Variants in AVEN observed in about 807,000 individuals in gnomAD.
AVEN encodes the protein apoptosis and caspase activation inhibitor.
AVEN carries 41 observed loss-of-function variants against 38.1 expected under a neutral mutation model. That is an observed-to-expected ratio of 1.08 (90% CI 0.84 to 1.40). The LOEUF (loss-of-function observed/expected upper bound fraction) is 1.40. AVEN is among the 40% of genes most tolerant of loss of function. The pLI is 0.00. For synonymous variants in AVEN, 206 were observed against 171.8 expected, an observed-to-expected ratio of 1.20 and a Z score of -1.56; for missense variants, 605 against 438.8, an observed-to-expected ratio of 1.38 and a Z score of -3.38.
At chr15:33,931,349 C>CTTTTTTTTTT (rs71119903) in intron 2 of AVEN, among the ~76,000 whole-genome samples, 1 of 89,270 alleles carries the variant, frequency 1.1e-5, no homozygotes, top group Non-Finnish European at 2.0e-5. Flanking sequence ...TGAATATTTT[C>CTTTTTTTTTT]TTTTTTTTTT....
Position 33,883,279 on chromosome 15 carries a change from C to T in AVEN, c.446-7284G>A, listed in dbSNP as rs189508787. Among the ~76,000 whole-genome samples, 445 of 152,210 alleles carry T rather than the reference C, an allele frequency of 2.9e-3. 2 individuals carry two copies. The highest frequency in any genetic ancestry group is 0.01 in the African/African-American group (432 of 41,530). ...ACTACAGGAATAACCAAAAAGCTGA[C>T]GGTGGTCAGAAATCAGTATGCCCAT... On this transcript the variant is annotated intron_variant, in intron 2 of 5. Coordinates refer to ENST00000306730, the MANE Select transcript of AVEN (RefSeq NM_020371.3).
At chr15:33,902,349 A>G (rs1892527378) in intron 2 of AVEN, among the ~76,000 whole-genome samples, 1 of 152,226 alleles carries the variant, frequency 6.6e-6, no homozygotes, top group South Asian at 2.1e-4. Flanking sequence ...GATCATCTCA[A>G]TGGATGCAGA....
chr15:34,064,327 A>G, intron 4 of AVEN: 3 of 1,601,890 alleles, frequency 1.9e-6, no homozygotes, highest in Non-Finnish European at 2.6e-6. Flanking sequence ...AAAGTCAACA[A>G]CTCCTCTCGA....
intron 3 of AVEN, among the ~76,000 whole-genome samples, chr15:33,874,093 C>G (rs1190882070): frequency 6.6e-6 from 1 of 152,070 alleles, no homozygotes; most frequent in Non-Finnish European, 1.5e-5. Context: ...TTTCCATGTT[C>G]TTGCTAAACA....
intron 2 of AVEN, among the ~76,000 whole-genome samples, chr15:33,876,527 A>T (rs1262003614): frequency 6.6e-6 from 1 of 152,078 alleles, no homozygotes; most frequent in Non-Finnish European, 1.5e-5. Flanking sequence ...AGCCAAGATC[A>T]TGCCACTGCA....
intron 2 of AVEN, among the ~76,000 whole-genome samples, chr15:33,884,541 C>T (rs915854044): frequency 2.0e-5 from 3 of 152,192 alleles, no homozygotes; most frequent in African/African-American, 4.8e-5. Flanking sequence ...TGGCCTAACA[C>T]ATGTCTTATG....
intron 2 of AVEN, among the ~76,000 whole-genome samples, chr15:33,879,764 G>T (rs1228045704): frequency 6.6e-6 from 1 of 152,082 alleles, no homozygotes; most frequent in Non-Finnish European, 1.5e-5. Flanking sequence ...GAAAGAAAAT[G>T]ATCCCACATT....
At chr15:33,863,516 CTCTGAGATCAT>C (rs1406010699), downstream of AVEN, among the ~76,000 whole-genome samples, 1 of 152,182 alleles carries the variant, frequency 6.6e-6, no homozygotes, top group Non-Finnish European at 1.5e-5. Context: ...TGGAAACGGT[CTCTGAGATCAT>C]ATAATGTGAG....
intron 2 of AVEN, among the ~76,000 whole-genome samples, chr15:33,961,800 G>C (rs1176690364): frequency 9.7e-6 from 1 of 102,664 alleles, no homozygotes; most frequent in Non-Finnish European, 1.8e-5. Flanking sequence ...GCGACAGAGT[G>C]AGACTCTGTC....
chr15:34,049,645 C>A (rs969134342), intron 5 of AVEN, among the ~76,000 whole-genome samples: 1 of 152,068 alleles, frequency 6.6e-6, no homozygotes, highest in African/African-American at 2.4e-5. Context: ...CCCAACCTAG[C>A]AAGTCAGGCC....
chr15:33,916,369 C>G (rs968660745), intron 2 of AVEN, among the ~76,000 whole-genome samples: 2 of 152,200 alleles, frequency 1.3e-5, no homozygotes, highest in South Asian at 2.1e-4. Flanking sequence ...GCAGACACCC[C>G]CCAGTACCAG....
At chr15:34,038,571 G>A (rs889574997) in intron 1 of AVEN, among the ~76,000 whole-genome samples, 1 of 151,702 alleles carries the variant, frequency 6.6e-6, no homozygotes, top group Admixed American at 6.6e-5. Flanking sequence ...AGCCCGGCCA[G>A]GAGGCCACGA....
At chr15:34,017,990 T>C (rs1898020643) in intron 1 of AVEN, among the ~76,000 whole-genome samples, 1 of 152,244 alleles carries the variant, frequency 6.6e-6, no homozygotes, top group Non-Finnish European at 1.5e-5. Flanking sequence ...ACCAGTCATA[T>C]AAAAGTCCAG....
At chr15:33,970,752 TAAC>T in intron 2 of AVEN, among the ~76,000 whole-genome samples, 1 of 152,042 alleles carries the variant, frequency 6.6e-6, no homozygotes, top group East Asian at 1.9e-4. Context: ...AGGGGGCAGA[TAAC>T]AATATTCCTT....
At chr15:34,008,726 G>C (rs1218684519) in intron 1 of AVEN, among the ~76,000 whole-genome samples, 1 of 151,958 alleles carries the variant, frequency 6.6e-6, no homozygotes, top group African/African-American at 2.4e-5. Flanking sequence ...CTGACCTCGT[G>C]ATCTGCCCGC....
At position 33,917,488 on chromosome 15, in the gene AVEN, C is replaced by CAT. The variant is rs199605611; in HGVS notation, c.446-41495_446-41494dup. Among the ~76,000 whole-genome samples, 221 of 59,458 alleles carry CAT rather than the reference C, an allele frequency of 3.7e-3. 5 individuals carry two copies. The East Asian group carries it at 0.081, about 22-fold the overall frequency. The allele number at this position is 59,458 out of a possible 152,430, so 39.0% of individuals were successfully genotyped here. On this transcript the variant is annotated intron_variant, in intron 2 of 5. Transcript: ENST00000306730. Reference sequence around the variant, plus strand: ...TATACACATACATCATGGGATACTACATATATATACACACGGAATAATTCA... The same window carrying CAT: ...TATACACATACATCATGGGATACTACATATATATATACACACGGAATAATTCA...
intron 2 of AVEN, among the ~76,000 whole-genome samples, chr15:33,909,143 G>A (rs1892825148): frequency 6.6e-6 from 1 of 152,168 alleles, no homozygotes; most frequent in Non-Finnish European, 1.5e-5. Context: ...TGGTTACAAA[G>A]AGGAATAAAC....
chr15:33,985,237 G>T (rs752623959), intron 2 of AVEN, among the ~76,000 whole-genome samples: 1 of 151,848 alleles, frequency 6.6e-6, no homozygotes, highest in Admixed American at 6.5e-5. Flanking sequence ...AGAGACAAAA[G>T]GTGTCTCTGG....
At chr15:33,968,539 C>T (rs755571132) in intron 2 of AVEN, among the ~76,000 whole-genome samples, 2 of 152,050 alleles carry the variant, frequency 1.3e-5, no homozygotes, top group Admixed American at 6.6e-5. Context: ...ATGATAAAGC[C>T]GTACTTCCTT....
Sources: allele counts gnomAD v4.1 joint callset (sites outside exome capture counted in the v4.1 genomes callset), GRCh38; gene constraint gnomAD v4.1.1; transcripts MANE v1.5; gene names NCBI Gene and HGNC (gene_info 2026-07-23, HGNC 2026-07-21).